The following HEATR1 variants were observed in gnomAD, a reference collection of about 807,000 sequenced individuals.
HEATR1 encodes the protein HEAT repeat-containing protein 1.
Under a neutral mutation model 248.2 loss-of-function variants are expected in HEATR1, and 77 were observed. The ratio of observed to expected loss-of-function variants is 0.31; its 90% CI spans 0.26 to 0.37. The LOEUF (loss-of-function observed/expected upper bound fraction) is 0.37. HEATR1 is among the 10% of genes least tolerant of loss of function. The probability of loss-of-function intolerance (pLI) is 1.00; values close to 1 mark genes in which losing one functional copy is unlikely to be tolerated. For synonymous variants in HEATR1, 897 were observed against 923.1 expected (o/e 0.97, Z 0.51); for missense variants, 2,420 against 2,504.9 (o/e 0.97, Z 0.72).
chr1:236,581,420 T>TAAAA lies in HEATR1; in HGVS notation c.2563-10_2563-7dup. The TAAAA allele has an allele frequency of 1.7e-6, 2 of 1,211,874 alleles. No individual in the cohort carries two copies. Among genetic ancestry groups the TAAAA allele is most frequent in the Non-Finnish European group, 2.2e-6 (2 of 911,462 alleles). 75.1% of individuals were successfully genotyped at this position (1,211,874 alleles called of 1,614,324 possible). A position where few individuals can be genotyped will look rare whatever the true frequency, so the allele number is the denominator to read the frequency against. On this transcript the variant is annotated splice_region_variant and splice_polypyrimidine_tract_variant and intron_variant, in intron 19 of 44. Coordinates refer to ENST00000366582, the MANE Select transcript of HEATR1 (RefSeq NM_018072.6). ...AAAACATCTTCTAGATGCACCTAAT[T>TAAAA]AAAAAAAAAAAAAAGCAAACTTTTA...
At chr1:236,569,912 A>G (rs530297091) in intron 28 of HEATR1, among the ~76,000 whole-genome samples, 1 of 152,340 alleles carries the variant, frequency 6.6e-6, no homozygotes, top group African/African-American at 2.4e-5. Flanking sequence ...AGATAAACAA[A>G]ATGTGGCATA....
At position 236,576,824 on chromosome 1, in the gene HEATR1, A is replaced by T. The variant is rs761751615; in HGVS notation, c.2881T>A (p.Ser961Thr). ...TCTGAAGTGATCTCCTCTGCTTTAG[A>T]AATCAAATGATCTATTATCAGATAA... ...PFYLIIDHLI[S>T]KAEEITSDAA... is the part of the protein sequence containing the mutation. The change falls in exon 21 of 45, where the codon TCT (serine) becomes ACT (threonine). Residue 961 changes from serine (S) to threonine (T), a missense_variant. By Grantham distance (58) the Ser-to-Thr change is moderately conservative (BLOSUM62 1). Coordinates refer to ENST00000366582, the MANE Select transcript of HEATR1 (RefSeq NM_018072.6). 6.2e-7 allele frequency: 1 copy of T among 1,614,048 alleles called. No individual in the cohort carries two copies. Among genetic ancestry groups the T allele is most frequent in the South Asian group, 1.1e-5 (1 of 91,036 alleles).
chr1:236,561,548 T>C (rs969479678), intron 32 of HEATR1, among the ~76,000 whole-genome samples: 4 of 152,242 alleles, frequency 2.6e-5, no homozygotes, highest in Non-Finnish European at 4.4e-5. Context: ...TACCGAATTC[T>C]ATGACATGCT....
intron 24 of HEATR1, among the ~76,000 whole-genome samples, chr1:236,573,516 T>C (rs1663485597): frequency 7.1e-6 from 1 of 140,964 alleles, no homozygotes; most frequent in East Asian, 2.1e-4. Flanking sequence ...GAACTAGGTA[T>C]TAGATAATAC....
rs994577605 is a variant in HEATR1, at chr1:236,576,696, C to T, written c.2925+84G>A. 3.1e-6 allele frequency: 4 copies of T among 1,276,768 alleles called. No homozygotes were observed. The African/African-American group carries it at 6.0e-5, about 19-fold the overall frequency. 79.1% of individuals were successfully genotyped at this position (1,276,768 alleles called of 1,614,324 possible). A position where few individuals can be genotyped will look rare whatever the true frequency, so the allele number is the denominator to read the frequency against. On this transcript the variant is annotated intron_variant, in intron 21 of 44. Coordinates refer to ENST00000366582, the MANE Select transcript of HEATR1 (RefSeq NM_018072.6). ...ATGACTTAGTCCATCAAAATCCCTA[C>T]ACAGTGAAATGTCGAGAATGGAGAA... is the stretch of plus-strand genomic sequence containing the variant.
In HEATR1 at chr1:236,592,055, G is replaced by A. The variant is rs10925169; in HGVS notation, c.1360C>T (p.Leu454=). ...LEEHLKEIAD[L]KKQELFHQFV... Reference sequence around the variant, plus strand: ...TGATGGAAAAGCTCTTGTTTTTTCAGATCTGCAATTTCCTTTAAGTGTTCC... The same window carrying A: ...TGATGGAAAAGCTCTTGTTTTTTCAAATCTGCAATTTCCTTTAAGTGTTCC... Residue 454 remains leucine, a synonymous_variant, in exon 11 of 45, where the codon CTG becomes TTG. Transcript: ENST00000366582. 6.2e-7 allele frequency: 1 copy of A among 1,609,198 alleles called. No homozygotes were observed.
intron 3 of HEATR1, among the ~76,000 whole-genome samples, chr1:236,600,487 C>T (rs1006047730): frequency 1.3e-5 from 2 of 151,784 alleles, no homozygotes; most frequent in African/African-American, 4.8e-5. Context: ...CTCTCCTATC[C>T]TTTTACATCG....
rs560327480 is a variant in HEATR1, at chr1:236,599,320, ATAT to A, written c.501+160_501+162del. On this transcript the variant is annotated intron_variant, in intron 4 of 44. Coordinates refer to ENST00000366582, the MANE Select transcript of HEATR1 (RefSeq NM_018072.6). ...ATGTCAGATACTAAATAAAAGCTAA[ATAT>A]TATTAACATTAATAATAGTTTCAAT... Among the ~76,000 whole-genome samples the A allele has an allele frequency of 6.4e-4, 98 of 152,336 alleles. 3 individuals carry two copies. In the South Asian group the frequency reaches 0.018, roughly 28 times the overall value.
At chr1:236,566,098 A>AT in intron 30 of HEATR1, 53 bp from the exon 31 acceptor site, 1 of 1,563,424 alleles carries the variant, frequency 6.4e-7, no homozygotes, top group East Asian at 2.3e-5. Context: ...TTGTGAAGGC[A>AT]TAATTTCAGG....
Position 236,595,666 on chromosome 1 carries a change from G to T in HEATR1, c.964C>A (p.Pro322Thr). 1 of 1,611,004 alleles carries T rather than the reference G, an allele frequency of 6.2e-7. No individual in the cohort carries two copies. Among genetic ancestry groups the T allele is most frequent in the Admixed American group, 1.7e-5 (1 of 59,672 alleles). ...KPESLGKKPF[P>T]HLCNVPDLIT... The stretch of plus-strand genomic sequence containing the variant: ...AGATCAGGAACATTACATAAGTGAG[G>T]GAATGGCCTTTGAAGAAGCAAAAGT... The change falls in exon 8 of 45, where the codon CCT (proline) becomes ACT (threonine). Residue 322 changes from proline (P) to threonine (T), a missense_variant. Coordinates refer to ENST00000366582, the MANE Select transcript of HEATR1 (RefSeq NM_018072.6).
intron 22 of HEATR1, 94 bp downstream of exon 22, chr1:236,576,125 G>A: frequency 4.2e-6 from 4 of 943,892 alleles, no homozygotes; most frequent in Non-Finnish European, 6.1e-6. Context: ...GCGCACACAT[G>A]CAACTCTTAC....
chr1:236,577,489 CTTT>C (rs34171040), intron 20 of HEATR1, among the ~76,000 whole-genome samples: 142 of 140,610 alleles, frequency 1.0e-3, no homozygotes, highest in Middle Eastern at 3.8e-3. Context: ...TTACATCATT[CTTT>C]TTTTTTTTTT....
At chr1:236,556,012 A>C (rs951276365) in intron 38 of HEATR1, 73 bp from the exon 39 acceptor site, 1 of 1,606,308 alleles carries the variant, frequency 6.2e-7, no homozygotes, top group African/African-American at 1.3e-5. Flanking sequence ...TATTTTTAAA[A>C]ACTAAATCTT....
At chr1:236,552,470 C>G (rs1279492068) in intron 43 of HEATR1, 1 of 163,994 alleles carries the variant, frequency 6.1e-6, no homozygotes, top group Non-Finnish European at 1.3e-5. Flanking sequence ...GCCCGCCAGG[C>G]TGGCAATAAA....
chr1:236,550,848 AAT>A lies in HEATR1; in HGVS notation c.*52_*53del. 1 of 1,390,350 alleles carries A rather than the reference AAT, an allele frequency of 7.2e-7. No individual in the cohort carries two copies. The highest frequency in any genetic ancestry group is 9.9e-7 in the Non-Finnish European group (1 of 1,010,076). 86.1% of individuals were successfully genotyped at this position (1,390,350 alleles called of 1,614,324 possible). On this transcript the variant is annotated 3_prime_UTR_variant, in exon 45 of 45. Coordinates refer to ENST00000366582, the MANE Select transcript of HEATR1 (RefSeq NM_018072.6). ...ATGGCACCCAACACCCAAAAATAAA[AAT>A]ATGAAATATGAGTGTGAACTCTGAG...
chr1:236,576,976 A>G (rs750319294), intron 20 of HEATR1, 27 bp from the exon 21 acceptor site: 1 of 1,536,874 alleles, frequency 6.5e-7, no homozygotes, highest in Non-Finnish European at 8.7e-7. Context: ...AAAAAATTTA[A>G]GAAACAATTT....
At chr1:236,555,499 T>G in intron 40 of HEATR1, 35 bp from the exon 41 acceptor site, 1 of 1,614,056 alleles carries the variant, frequency 6.2e-7, no homozygotes, top group Non-Finnish European at 8.5e-7. Context: ...TTCTTCGACA[T>G]CTTGTCACTT....
In HEATR1 at chr1:236,590,913, A is replaced by G; in HGVS notation, c.1464T>C (p.Asn488=). 6.6e-7 allele frequency: 1 copy of G among 1,520,516 alleles called. No homozygotes were observed. The highest frequency in any genetic ancestry group is 8.9e-7 in the Non-Finnish European group (1 of 1,125,736). 94.2% of individuals were successfully genotyped at this position (1,520,516 alleles called of 1,614,324 possible). The change falls in exon 12 of 45, where the codon AAT becomes AAC. Residue 488 remains asparagine, a synonymous_variant. Transcript: ENST00000366582. ...GAATTCTCACAGGAGCAAGTGGATG[A>G]TTCAGGCTGAGCATCAAAGAAGTAT... The part of the protein sequence containing the change: ...DSDTSLMLSL[N]HPLAPVRILA...
chr1:236,581,519 G>A, intron 19 of HEATR1, 105 bp from the exon 20 acceptor site: 1 of 796,138 alleles, frequency 1.3e-6, no homozygotes. Flanking sequence ...AATAATTTAA[G>A]GCAAAGTTTT....
Sources: allele counts gnomAD v4.1 joint callset (sites outside exome capture counted in the v4.1 genomes callset), GRCh38; gene constraint gnomAD v4.1.1; transcripts MANE v1.5; gene names NCBI Gene and HGNC (gene_info 2026-07-23, HGNC 2026-07-21).